LRIG2: variants seen among roughly 807,000 people sequenced by gnomAD.
LRIG2 encodes leucine rich repeats and immunoglobulin like domains 2, also known as leucine-rich repeats and immunoglobulin-like domains protein 2.
In LRIG2, 93 loss-of-function variants were observed where a neutral mutation model predicts 107.8. That is an observed-to-expected ratio of 0.86 (90% CI 0.73 to 1.03). The LOEUF is 1.03. LRIG2 is among the 50% of genes least tolerant of loss of function. LRIG2 has a pLI of 0.00. For synonymous variants in LRIG2, 471 were observed against 470.6 expected (o/e 1.00, Z -0.01); for missense variants, 1,226 against 1,296.0 (o/e 0.95, Z 0.83).
At chr1:113,090,090 C>T (rs12136941) in intron 1 of LRIG2, among the ~76,000 whole-genome samples, 1 of 151,886 alleles carries the variant, frequency 6.6e-6, no homozygotes, top group Admixed American at 6.6e-5. Flanking sequence ...TGAAATATGT[C>T]TTCAGATGTA....
intron 1 of LRIG2, among the ~76,000 whole-genome samples, chr1:113,079,207 G>A (rs1227048318): frequency 6.6e-6 from 1 of 151,986 alleles, no homozygotes; most frequent in Non-Finnish European, 1.5e-5. Context: ...AGTTAGCCAG[G>A]TATGCTGGTA....
intron 6 of LRIG2, among the ~76,000 whole-genome samples, chr1:113,095,520 T>C (rs1212447239): frequency 6.6e-6 from 1 of 151,840 alleles, no homozygotes; most frequent in Non-Finnish European, 1.5e-5. Flanking sequence ...GCGATTCTCC[T>C]GCCTCAGCCT....
chr1:113,116,439 A>G lies in LRIG2; in HGVS notation c.2680+3A>G, dbSNP rs764973163. The G allele has an allele frequency of 7.3e-6, 11 of 1,503,570 alleles. No individual in the cohort carries two copies. In the South Asian group the frequency reaches 1.2e-4, roughly 16 times the overall value. The allele number at this position is 1,503,570 out of a possible 1,614,324, so 93.1% of individuals were successfully genotyped here. The stretch of plus-strand genomic sequence containing the variant: ...ATATATACACAAAGGCACTGACGGT[A>G]ATGACTCTGTTGTTTATGGTTACAA... On this transcript the variant is annotated splice_donor_region_variant and intron_variant, in intron 16 of 17. Coordinates refer to ENST00000361127, the MANE Select transcript of LRIG2 (RefSeq NM_014813.3).
chr1:113,078,750 C>T (rs1297671851), intron 1 of LRIG2, among the ~76,000 whole-genome samples: 1 of 151,720 alleles, frequency 6.6e-6, no homozygotes, highest in East Asian at 1.9e-4. Flanking sequence ...AAACGCTTCT[C>T]CTGCCTCAGC....
At chr1:113,113,687 T>G (rs925704200) in intron 14 of LRIG2, among the ~76,000 whole-genome samples, 1 of 151,964 alleles carries the variant, frequency 6.6e-6, no homozygotes, top group South Asian at 2.1e-4. Flanking sequence ...CTCAGCCTCC[T>G]GAGTAGCTGG....
At chr1:113,115,117 T>TA (rs1392327756) in intron 15 of LRIG2, among the ~76,000 whole-genome samples, 1 of 152,186 alleles carries the variant, frequency 6.6e-6, no homozygotes, top group Non-Finnish European at 1.5e-5. Flanking sequence ...CATTACCTGA[T>TA]ATGTGATAGA....
chr1:113,112,982 C>T (rs1175590710), intron 14 of LRIG2, among the ~76,000 whole-genome samples: 1 of 152,140 alleles, frequency 6.6e-6, no homozygotes, highest in Non-Finnish European at 1.5e-5. Context: ...GCATCCTTGT[C>T]ACAATAATTG....
chr1:113,112,068 G>A lies in LRIG2; in HGVS notation c.1799-411G>A, dbSNP rs1167156037. 2.0e-5 allele frequency among the ~76,000 whole-genome samples: 3 copies of A among 148,252 alleles called. No homozygotes were observed. The East Asian group carries it at 6.1e-4, about 30-fold the overall frequency. On this transcript the variant is annotated intron_variant, in intron 13 of 17. Coordinates refer to ENST00000361127, the MANE Select transcript of LRIG2 (RefSeq NM_014813.3). Reference sequence around the variant, plus strand: ...ATGATTAAGTGTATCATGCATCCTAGAAGACACAGTCATCAGTGTGCTCCA... The same window carrying A: ...ATGATTAAGTGTATCATGCATCCTAAAAGACACAGTCATCAGTGTGCTCCA...
At chr1:113,100,519 T>C (rs757986195) in intron 11 of LRIG2, 31 bp downstream of exon 11, 4 of 1,243,568 alleles carry the variant, frequency 3.2e-6, no homozygotes, top group East Asian at 2.4e-5. Flanking sequence ...AAATCACCAG[T>C]TGGATCATTG....
Position 113,114,488 on chromosome 1 carries a change from G to C in LRIG2, c.2142G>C (p.Val714=). The C allele has an allele frequency of 1.2e-6, 2 of 1,613,790 alleles. No individual in the cohort carries two copies. The highest frequency in any genetic ancestry group is 2.2e-5 in the South Asian group (2 of 91,076). ...CAGTAACACGAGGTGAAACTGCGGT[G>C]TTACAGTGCATAGCTGGAGGGAGTC... ...DKTVTRGETA[V]LQCIAGGSPA... Residue 714 remains valine, a synonymous_variant, in exon 15 of 18, where the codon GTG becomes GTC. Transcript: ENST00000361127.
chr1:113,121,022 T>C (rs983277609), intron 17 of LRIG2, among the ~76,000 whole-genome samples: 4 of 151,474 alleles, frequency 2.6e-5, no homozygotes, highest in Non-Finnish European at 4.4e-5. Flanking sequence ...TTCACCATGT[T>C]GTCCAGGCTG....
intron 1 of LRIG2, among the ~76,000 whole-genome samples, chr1:113,075,212 CAA>C (rs199671689): frequency 3.5e-5 from 5 of 142,916 alleles, no homozygotes; most frequent in Non-Finnish European, 6.1e-5. Flanking sequence ...AACTCTGTCT[CAA>C]AAAAAAAAAG....
At chr1:113,074,909 G>A (rs1368284253) in intron 1 of LRIG2, among the ~76,000 whole-genome samples, 4 of 146,034 alleles carry the variant, frequency 2.7e-5, no homozygotes. Context: ...CTCCGTCTGG[G>A]GGGAGGGAGG....
Position 113,110,259 on chromosome 1 carries a change from C to A in LRIG2, c.1495C>A (p.Gln499Lys). ...DFVCDDFLKP[Q>K]IRTHPETIIA... ...CCCCTTAGATGATTTTCTCAAGCCA[C>A]AGATAAGGACACATCCTGAAACCAT... is the stretch of plus-strand genomic sequence containing the variant. The change falls in exon 13 of 18, where the codon CAG becomes AAG. Residue 499 changes from glutamine (Q) to lysine (K), a missense_variant. Physicochemically the swap from Gln to Lys is moderately conservative, Grantham distance 53. Transcript: ENST00000361127. 6.3e-7 allele frequency: 1 copy of A among 1,583,998 alleles called. No homozygotes were observed. Among genetic ancestry groups the A allele is most frequent in the Non-Finnish European group, 8.6e-7 (1 of 1,161,572 alleles).
chr1:113,110,326 C>T lies in LRIG2; in HGVS notation c.1562C>T (p.Ala521Val), dbSNP rs1427224652. Reference protein sequence around the residue: ...RGMNVTLTCTAVSSSDSPMST... With the variant: ...RGMNVTLTCTVVSSSDSPMST... ...ATGAATGTGACTCTGACGTGCACTG[C>T]AGTGAGCAGCAGTGATTCACCCATG... Residue 521 changes from alanine to valine, a missense_variant, in exon 13 of 18, where the codon GCA becomes GTA. By Grantham distance (64) the Ala-to-Val change is moderately conservative (BLOSUM62 0). Transcript: ENST00000361127. 1 of 1,613,898 alleles carries T rather than the reference C, an allele frequency of 6.2e-7. No individual in the cohort carries two copies.
chr1:113,083,954 TAACA>T (rs1653407653), intron 1 of LRIG2, among the ~76,000 whole-genome samples: 1 of 149,906 alleles, frequency 6.7e-6, no homozygotes, highest in Non-Finnish European at 1.5e-5. Context: ...TATACATATG[TAACA>T]AACCTGCACG....
At chr1:113,117,587 G>A (rs546268565) in intron 16 of LRIG2, among the ~76,000 whole-genome samples, 21 of 151,738 alleles carry the variant, frequency 1.4e-4, no homozygotes, top group Middle Eastern at 3.4e-3. Context: ...AGGTTCAAGC[G>A]ATTCCTCTGC....
chr1:113,088,864 G>A (rs1197812986), intron 1 of LRIG2, among the ~76,000 whole-genome samples: 3 of 152,214 alleles, frequency 2.0e-5, no homozygotes, highest in Non-Finnish European at 4.4e-5. Context: ...TGAATTGGAT[G>A]AAGTATCTGA....
chr1:113,098,921 C>CTTTG (rs369855849), intron 9 of LRIG2, 136 bp downstream of exon 9: 6 of 614,218 alleles, frequency 9.8e-6, no homozygotes, highest in African/African-American at 5.6e-5. Context: ...TGTGGGGTTT[C>CTTTG]TTTGTTTGTT....
Sources: gnomAD v4.1 joint callset for allele counts (sites outside exome capture counted in the v4.1 genomes callset) on GRCh38, gnomAD v4.1.1 for gene constraint, MANE v1.5 for transcripts, NCBI Gene and HGNC (gene_info 2026-07-23, HGNC 2026-07-21) for gene names.